Variants in RHOBTB3 observed in about 807,000 individuals in gnomAD.
RHOBTB3 encodes the protein rho-related BTB domain-containing protein 3.
A neutral mutation model predicts 67.2 loss-of-function variants in RHOBTB3; 47 were observed. The ratio of observed to expected loss-of-function variants is 0.70; its 90% CI spans 0.55 to 0.89. The LOEUF is 0.89. Among genes scored for constraint, RHOBTB3 ranks in the 40% least tolerant of loss-of-function variants. RHOBTB3 has a pLI of 0.00. For missense variants in RHOBTB3, 631 were observed against 750.0 expected (o/e 0.84, Z 1.85); for synonymous variants, 273 against 274.2 (o/e 1.00, Z 0.04).
At chr5:95,736,422 A>G (rs748033466) in intron 2 of RHOBTB3, among the ~76,000 whole-genome samples, 10 of 152,226 alleles carry the variant, frequency 6.6e-5, no homozygotes, top group African/African-American at 1.7e-4. Flanking sequence ...TGAATAAAGT[A>G]TATGGAACTT....
At chr5:95,740,641 A>C (rs1003806856) in intron 3 of RHOBTB3, among the ~76,000 whole-genome samples, 1 of 152,230 alleles carries the variant, frequency 6.6e-6, no homozygotes, top group East Asian at 1.9e-4. Context: ...GAGCTTCATC[A>C]GCTTTATGGT....
chr5:95,769,385 C>T (rs930468803), intron 8 of RHOBTB3: 7 of 375,798 alleles, frequency 1.9e-5, no homozygotes, highest in African/African-American at 4.2e-5. Flanking sequence ...AGAAAGTCTT[C>T]GAGAAGATTA....
chr5:95,782,809 C>CAAAAA (rs5869692), intron 9 of RHOBTB3: 7 of 99,130 alleles, frequency 7.1e-5, no homozygotes, highest in Non-Finnish European at 1.0e-4. Context: ...GACTCCATCT[C>CAAAAA]AAAAAAAAAA....
intron 2 of RHOBTB3, among the ~76,000 whole-genome samples, chr5:95,733,838 A>T (rs150796048): frequency 6.6e-6 from 1 of 152,228 alleles, no homozygotes; most frequent in Non-Finnish European, 1.5e-5. Context: ...TATTTGACGT[A>T]TGTACGGAAC....
intron 8 of RHOBTB3, among the ~76,000 whole-genome samples, chr5:95,775,966 T>C (rs1745865331): frequency 6.6e-6 from 1 of 152,150 alleles, no homozygotes; most frequent in South Asian, 2.1e-4. Context: ...TCTATACACT[T>C]AAAATATTTA....
At chr5:95,749,601 A>ATC (rs1347196946) in intron 4 of RHOBTB3, among the ~76,000 whole-genome samples, 1 of 152,210 alleles carries the variant, frequency 6.6e-6, no homozygotes, top group Non-Finnish European at 1.5e-5. Context: ...GAGAAATTTA[A>ATC]TCTTCCTTTC....
At chr5:95,731,196 C>A (rs1755224940), upstream of RHOBTB3, 1 of 1,003,936 alleles carries the variant, frequency 1.0e-6, no homozygotes, top group South Asian at 4.1e-5. Flanking sequence ...GCTCCCGGGG[C>A]CTCCGCGGGG....
In RHOBTB3 at chr5:95,783,071, C is replaced by A. The variant is rs561708337; in HGVS notation, c.1457-726C>A. Among the ~76,000 whole-genome samples the A allele has an allele frequency of 2.7e-5, 4 of 149,440 alleles. No homozygotes were observed. In the South Asian group the frequency reaches 8.5e-4, roughly 32 times the overall value. ...ACTTCTGAGTATGAAGGCTTGGATT[C>A]TTTTTATTTTTACTTTTTTATTTTA... On this transcript the variant is annotated intron_variant, in intron 9 of 11. Coordinates refer to ENST00000379982, the MANE Select transcript of RHOBTB3 (RefSeq NM_014899.4).
Position 95,795,803 on chromosome 5 carries a change from G to C in RHOBTB3, c.*2629G>C, listed in dbSNP as rs576673699. On this transcript the variant is annotated 3_prime_UTR_variant, in exon 12 of 12. Coordinates refer to ENST00000379982, the MANE Select transcript of RHOBTB3 (RefSeq NM_014899.4). ...ACCTATCTTAGAGAAATGAGTGCTG[G>C]TTTTGAGAGTTGTTTTTTAACTGAA... The C allele has an allele frequency of 6.6e-6, 1 of 152,302 alleles. No individual in the cohort carries two copies. The highest frequency in any genetic ancestry group is 1.5e-5 in the Non-Finnish European group (1 of 68,016). 9.4% of individuals were successfully genotyped at this position (152,302 alleles called of 1,614,324 possible).
At chr5:95,743,184 C>T (rs74723857) in intron 3 of RHOBTB3, among the ~76,000 whole-genome samples, 4 of 152,132 alleles carry the variant, frequency 2.6e-5, no homozygotes, top group Non-Finnish European at 5.9e-5. Flanking sequence ...CATTATAAGT[C>T]GTTCTACTTG....
intron 10 of RHOBTB3, among the ~76,000 whole-genome samples, chr5:95,787,920 T>C (rs538519739): frequency 6.6e-6 from 1 of 152,354 alleles, no homozygotes; most frequent in East Asian, 1.9e-4. Context: ...TGGAAATGGA[T>C]AGTGGTGTTG....
intron 5 of RHOBTB3, 82 bp from the exon 6 acceptor site, chr5:95,755,314 A>G (rs904653750): frequency 2.0e-6 from 2 of 996,160 alleles, no homozygotes; most frequent in Non-Finnish European, 1.4e-6. Flanking sequence ...ATATTATACA[A>G]TTATATTTAA....
chr5:95,776,991 A>T (rs1030224277), intron 8 of RHOBTB3, among the ~76,000 whole-genome samples: 1 of 152,206 alleles, frequency 6.6e-6, no homozygotes, highest in African/African-American at 2.4e-5. Context: ...GAATTAGCCT[A>T]GGATAGAAAA....
At chr5:95,764,907 C>T (rs1338333359) in intron 7 of RHOBTB3, among the ~76,000 whole-genome samples, 1 of 151,684 alleles carries the variant, frequency 6.6e-6, no homozygotes, top group Non-Finnish European at 1.5e-5. Context: ...AGCAGGTATA[C>T]AGAAGCTGTC....
chr5:95,720,330 A>AT (rs386404489), intron 1 of RHOBTB3, among the ~76,000 whole-genome samples: 91,055 of 152,082 alleles, frequency 0.6, 29,736 homozygotes, highest in East Asian at 0.94. Context: ...ATTTAGATCA[A>AT]TTCACTTCCT....
intron 7 of RHOBTB3, among the ~76,000 whole-genome samples, chr5:95,765,490 T>C (rs1422764306): frequency 6.6e-6 from 1 of 152,214 alleles, no homozygotes; most frequent in African/African-American, 2.4e-5. Context: ...TCTCATTTAC[T>C]GAGTACCACA....
At chr5:95,755,232 C>T (rs950453002) in intron 5 of RHOBTB3, among the ~76,000 whole-genome samples, 164 bp from the exon 6 acceptor site, 4 of 151,768 alleles carry the variant, frequency 2.6e-5, no homozygotes, top group Non-Finnish European at 4.4e-5. Flanking sequence ...AGTAGAAAAT[C>T]GCTGTTTTTG....
chr5:95,772,498 A>C (rs1745746280), intron 8 of RHOBTB3, among the ~76,000 whole-genome samples: 1 of 151,554 alleles, frequency 6.6e-6, no homozygotes, highest in African/African-American at 2.4e-5. Context: ...CTTTTTTTTT[A>C]ACCTAGGTCC....
intron 8 of RHOBTB3, chr5:95,769,094 G>A: frequency 8.3e-6 from 3 of 363,200 alleles, no homozygotes; most frequent in South Asian, 5.5e-5. Context: ...TTTGGTGCAG[G>A]TGCCTGAGCC....
Sources: allele counts gnomAD v4.1 joint callset (sites outside exome capture counted in the v4.1 genomes callset), GRCh38; gene constraint gnomAD v4.1.1; transcripts MANE v1.5; gene names NCBI Gene and HGNC (gene_info 2026-07-23, HGNC 2026-07-21).